The following AQP8 variants were observed in gnomAD, a reference collection of about 807,000 sequenced individuals.
AQP8 encodes aquaporin-8.
Under a neutral mutation model 26.1 loss-of-function variants are expected in AQP8, and 14 were observed. The observed-to-expected ratio is 0.54, with a 90% CI of 0.35 to 0.84. AQP8 has a LOEUF of 0.84. AQP8 is among the 40% of genes least tolerant of loss of function. The pLI, the probability that AQP8 is intolerant of heterozygous loss-of-function variation, is 0.01. For missense variants in AQP8, 301 were observed against 340.5 expected (o/e 0.88, Z 0.91); for synonymous variants, 131 against 150.7 (o/e 0.87, Z 0.96).
chr16:25,220,782 A>G (rs113900495), intron 2 of AQP8, among the ~76,000 whole-genome samples: 5,294 of 152,194 alleles, frequency 0.035, 114 homozygotes, highest in African/African-American at 0.05. Flanking sequence ...CGGGCACGGT[A>G]GCTCGTGCCT....
intron 4 of AQP8, 143 bp from the exon 5 acceptor site, chr16:25,226,925 A>T: frequency 3.2e-6 from 4 of 1,257,164 alleles, no homozygotes; most frequent in Non-Finnish European, 4.4e-6. Context: ...TGCCTTCTTT[A>T]GGATCTACCC....
chr16:25,221,025 C>T (rs1486158579), intron 2 of AQP8, among the ~76,000 whole-genome samples: 2 of 152,106 alleles, frequency 1.3e-5, no homozygotes, highest in Admixed American at 6.6e-5. Flanking sequence ...CACTGCAGCC[C>T]GCGCGACAGA....
At chr16:25,228,333 C>A in intron 5 of AQP8, 111 bp from the exon 6 acceptor site, 1 of 934,198 alleles carries the variant, frequency 1.1e-6, no homozygotes, top group Non-Finnish European at 1.7e-6. Context: ...GCTATTAAGG[C>A]TGGGGAGGCT....
At chr16:25,217,756 G>A (rs1962508238) in intron 2 of AQP8, among the ~76,000 whole-genome samples, 1 of 152,182 alleles carries the variant, frequency 6.6e-6, no homozygotes, top group Non-Finnish European at 1.5e-5. Flanking sequence ...TTGAACTCCT[G>A]GTCTCAAGCG....
intron 3 of AQP8, among the ~76,000 whole-genome samples, chr16:25,222,722 G>T (rs1962580327): frequency 6.6e-6 from 1 of 152,102 alleles, no homozygotes; most frequent in Non-Finnish European, 1.5e-5. Flanking sequence ...GGCTGTGATA[G>T]GGTCTGAAGC....
At chr16:25,221,034 G>A (rs1182779586) in intron 2 of AQP8, among the ~76,000 whole-genome samples, 1 of 152,176 alleles carries the variant, frequency 6.6e-6, no homozygotes, top group East Asian at 1.9e-4. Flanking sequence ...CCGCGCGACA[G>A]AGCAAGACTC....
chr16:25,222,631 G>A (rs1962577780), intron 3 of AQP8, among the ~76,000 whole-genome samples: 2 of 151,780 alleles, frequency 1.3e-5, no homozygotes, highest in African/African-American at 2.4e-5. Flanking sequence ...GGTTCAGCCA[G>A]GGATACTTCA....
Position 25,217,026 on chromosome 16 carries a change from G to T in AQP8, c.-20G>T, listed in dbSNP as rs375768664. On this transcript the variant is annotated 5_prime_UTR_variant, in exon 1 of 6. It removes an upstream start codon present in the reference 5' UTR. Coordinates refer to ENST00000219660, the MANE Select transcript of AQP8 (RefSeq NM_001169.3). ...CCAGCAGCTCAGGCAAGAGTCCGATGTTTGTGCCATCTGATCCTGATGTCT... is the reference window on the plus strand; with the variant it reads ...CCAGCAGCTCAGGCAAGAGTCCGATTTTTGTGCCATCTGATCCTGATGTCT... 1.9e-6 allele frequency: 3 copies of T among 1,613,850 alleles called. No individual in the cohort carries two copies. In the African/African-American group the frequency reaches 4.0e-5, roughly 22 times the overall value.
chr16:25,223,850 G>A (rs1293870834), intron 3 of AQP8, among the ~76,000 whole-genome samples: 12 of 146,726 alleles, frequency 8.2e-5, no homozygotes, highest in African/African-American at 1.8e-4. Flanking sequence ...TTTTTGAGAC[G>A]GAGTCTTGCT....
At chr16:25,227,880 C>T (rs1246747437) in intron 5 of AQP8, among the ~76,000 whole-genome samples, 7 of 151,444 alleles carry the variant, frequency 4.6e-5, no homozygotes, top group East Asian at 2.0e-4. Flanking sequence ...CCTCCCAAAG[C>T]GCTGGGTTAC....
chr16:25,217,103 G>C lies in AQP8; in HGVS notation c.12+46G>C, dbSNP rs200228179. 72 of 1,613,838 alleles carry C rather than the reference G, an allele frequency of 4.5e-5. No homozygotes were observed. The Middle Eastern group carries it at 8.2e-4, about 18-fold the overall frequency. Reference sequence around the variant, plus strand: ...TTCCTCTCCAGGCTGGCAGAGCAAGGGGGGCTGTGAATTAATTCAAGGTTG... The same window carrying C: ...TTCCTCTCCAGGCTGGCAGAGCAAGCGGGGCTGTGAATTAATTCAAGGTTG... On this transcript the variant is annotated intron_variant, in intron 1 of 5. Transcript: ENST00000219660.
chr16:25,221,315 C>A, intron 2 of AQP8, 142 bp from the exon 3 acceptor site: 1 of 970,434 alleles, frequency 1.0e-6, no homozygotes, highest in Non-Finnish European at 1.5e-6. Context: ...CAATTTGGTG[C>A]CTCTTTGTAT....
At chr16:25,217,563 G>T in intron 2 of AQP8, 118 bp downstream of exon 2, 2 of 1,392,192 alleles carry the variant, frequency 1.4e-6, no homozygotes, top group Non-Finnish European at 1.9e-6. Context: ...GGAGCGCTCT[G>T]GATAACTATG....
chr16:25,226,326 T>C (rs1038774032), intron 4 of AQP8, among the ~76,000 whole-genome samples: 1 of 152,198 alleles, frequency 6.6e-6, no homozygotes, highest in Non-Finnish European at 1.5e-5. Flanking sequence ...GGCATGATCA[T>C]GGCTCACTGC....
At chr16:25,218,483 A>C (rs1431022594) in intron 2 of AQP8, among the ~76,000 whole-genome samples, 1 of 152,164 alleles carries the variant, frequency 6.6e-6, no homozygotes, top group Non-Finnish European at 1.5e-5. Flanking sequence ...TGGCAGGGTG[A>C]TCTGGGACAT....
chr16:25,219,352 C>G (rs897423876), intron 2 of AQP8, among the ~76,000 whole-genome samples: 1 of 151,238 alleles, frequency 6.6e-6, no homozygotes, highest in Non-Finnish European at 1.5e-5. Flanking sequence ...GCACCTATTG[C>G]GTGCCAGACA....
chr16:25,221,161 G>A (rs1232230199), intron 2 of AQP8, among the ~76,000 whole-genome samples: 4 of 152,078 alleles, frequency 2.6e-5, no homozygotes, highest in East Asian at 1.9e-4. Flanking sequence ...GGGCTGGAGG[G>A]AGGCTTGGAG....
At chr16:25,221,762 T>A (rs1962565654) in intron 3 of AQP8, among the ~76,000 whole-genome samples, 179 bp downstream of exon 3, 1 of 151,960 alleles carries the variant, frequency 6.6e-6, no homozygotes, top group Admixed American at 6.6e-5. Flanking sequence ...CATTTTATTG[T>A]ATTTTTTATT....
In AQP8 at chr16:25,217,071, C is replaced by T. The variant is rs113678708; in HGVS notation, c.12+14C>T. On this transcript the variant is annotated intron_variant, in intron 1 of 5. Coordinates refer to ENST00000219660, the MANE Select transcript of AQP8 (RefSeq NM_001169.3). ...ATGTCTGGAGAGGTGAGCCCTCTGTCGGCATCTTCCTCTCCAGGCTGGCAG... is the reference window on the plus strand; with the variant it reads ...ATGTCTGGAGAGGTGAGCCCTCTGTTGGCATCTTCCTCTCCAGGCTGGCAG... The T allele has an allele frequency of 1.5e-4, 243 of 1,613,906 alleles. No homozygotes were observed. The highest frequency in any genetic ancestry group is 2.8e-4 in the Admixed American group (17 of 60,006).
Sources: allele counts gnomAD v4.1 joint callset (sites outside exome capture counted in the v4.1 genomes callset), GRCh38; gene constraint gnomAD v4.1.1; transcripts MANE v1.5; gene names NCBI Gene and HGNC (gene_info 2026-07-23, HGNC 2026-07-21).